ENKUR: variants seen among roughly 807,000 people sequenced by gnomAD.
ENKUR encodes enkurin, TRPC channel interacting protein.
A neutral mutation model predicts 27.6 loss-of-function variants in ENKUR; 19 were observed. The observed-to-expected ratio is 0.69, with a 90% CI of 0.48 to 1.01. The LOEUF (loss-of-function observed/expected upper bound fraction) is 1.01. Ranked by LOEUF, ENKUR falls within the 50% of genes least tolerant of loss-of-function variation. The pLI is 0.00. For missense variants in ENKUR, 312 were observed against 310.5 expected (o/e 1.00, Z -0.04); for synonymous variants, 117 against 96.9 (o/e 1.21, Z -1.22).
intron 2 of ENKUR, among the ~76,000 whole-genome samples, chr10:25,050,088 G>T (rs1185025373): frequency 2.6e-5 from 4 of 152,042 alleles, no homozygotes; most frequent in Non-Finnish European, 5.9e-5. Flanking sequence ...GATGTCCCAG[G>T]CTTTTAGACA....
upstream of ENKUR, chr10:25,016,844 C>T (rs1376790801): frequency 1.3e-5 from 2 of 152,630 alleles, no homozygotes; most frequent in Non-Finnish European, 2.9e-5. Context: ...GCTCCCATCG[C>T]ATGCCTTTCC....
chr10:25,026,550 A>C (rs1411063250), intron 2 of ENKUR: 2 of 166,756 alleles, frequency 1.2e-5, no homozygotes, highest in Non-Finnish European at 2.9e-5. Flanking sequence ...GAAACTGCAC[A>C]CAACTGATAC....
intron 2 of ENKUR, among the ~76,000 whole-genome samples, chr10:25,060,101 G>A (rs1210731567): frequency 1.3e-5 from 2 of 152,158 alleles, no homozygotes; most frequent in Non-Finnish European, 2.9e-5. Flanking sequence ...AAGGCGGGGT[G>A]CTTAGGAAGC....
intron 2 of ENKUR, chr10:25,025,697 C>T (rs1850837170): frequency 4.3e-6 from 2 of 464,826 alleles, no homozygotes; most frequent in Admixed American, 3.8e-5. Flanking sequence ...CTTTTGCCTT[C>T]TGCTCATGAG....
Position 24,999,604 on chromosome 10 carries a change from TTTAC to T in ENKUR, c.78-62_78-59del, listed in dbSNP as rs1817641299. On this transcript the variant is annotated intron_variant, in intron 1 of 5. Coordinates refer to ENST00000331161, the MANE Select transcript of ENKUR (RefSeq NM_145010.4). ...TACTTCTAGTAAAAATTACCTAAAG[TTTAC>T]TTAAAGTTTAAATCTTACATTTTTA... 3.5e-6 allele frequency: 5 copies of T among 1,420,996 alleles called. No individual in the cohort carries two copies. In the East Asian group the frequency reaches 9.2e-5, roughly 26 times the overall value. The allele number at this position is 1,420,996 out of a possible 1,614,324, so 88.0% of individuals were successfully genotyped here. A position where few individuals can be genotyped will look rare whatever the true frequency, so the allele number is the denominator to read the frequency against.
At chr10:24,988,632 C>T (rs1849845623) in intron 4 of ENKUR, among the ~76,000 whole-genome samples, 1 of 90,890 alleles carries the variant, frequency 1.1e-5, no homozygotes. Flanking sequence ...AGATCTTTAG[C>T]TGGCCTGAAA....
intron 2 of ENKUR, among the ~76,000 whole-genome samples, chr10:25,039,711 A>C (rs904900652): frequency 9.9e-5 from 15 of 152,180 alleles, no homozygotes; most frequent in Non-Finnish European, 1.8e-4. Flanking sequence ...CTGCATGACT[A>C]TCACAAAACA....
intron 1 of ENKUR, among the ~76,000 whole-genome samples, chr10:25,003,405 C>T (rs1850239551): frequency 6.6e-6 from 1 of 152,132 alleles, no homozygotes; most frequent in Non-Finnish European, 1.5e-5. Flanking sequence ...CAGGGTTTTA[C>T]CACGTTGGCC....
At chr10:25,016,451 C>A (rs1014606605), upstream of ENKUR, among the ~76,000 whole-genome samples, 19 of 152,228 alleles carry the variant, frequency 1.2e-4, no homozygotes, top group Admixed American at 1.0e-3. Context: ...AGGCCCCAAT[C>A]GCGGTGTGGG....
chr10:25,024,502 A>G, intron 2 of ENKUR: 2 of 1,614,224 alleles, frequency 1.2e-6, no homozygotes, highest in Non-Finnish European at 1.7e-6. Flanking sequence ...TCAGAGAGAA[A>G]ATGGATGGGC....
chr10:25,035,782 A>T (rs1758964812), intron 2 of ENKUR, among the ~76,000 whole-genome samples: 1 of 152,222 alleles, frequency 6.6e-6, no homozygotes, highest in South Asian at 2.1e-4. Context: ...TATCTGCCTC[A>T]CAATAAAGAA....
intron 3 of ENKUR, among the ~76,000 whole-genome samples, chr10:24,993,981 C>T (rs558658239): frequency 2.6e-5 from 4 of 152,208 alleles, no homozygotes; most frequent in South Asian, 2.1e-4. Context: ...TGTGGGACAA[C>T]GACTATAAAA....
At chr10:24,991,386 C>T (rs1817059142) in intron 3 of ENKUR, among the ~76,000 whole-genome samples, 1 of 151,930 alleles carries the variant, frequency 6.6e-6, no homozygotes, top group African/African-American at 2.4e-5. Context: ...CTTATGCCTC[C>T]ATCCTGTGCC....
Position 24,984,357 on chromosome 10 carries a change from T to C in ENKUR, c.*13A>G, listed in dbSNP as rs1424647017. On this transcript the variant is annotated 3_prime_UTR_variant, in exon 6 of 6. Coordinates refer to ENST00000331161, the MANE Select transcript of ENKUR (RefSeq NM_145010.4). The stretch of plus-strand genomic sequence containing the variant: ...CAAAATACTTAACAGTTTTCAAAGT[T>C]GTGCTGTTGGTATCATGCGCTGCAG... The C allele has an allele frequency of 9.4e-6, 15 of 1,593,908 alleles. No homozygotes were observed. Among genetic ancestry groups the C allele is most frequent in the Non-Finnish European group, 1.1e-5 (13 of 1,172,798 alleles).
intron 2 of ENKUR, among the ~76,000 whole-genome samples, chr10:25,047,566 C>G (rs1215643422): frequency 6.6e-6 from 1 of 152,170 alleles, no homozygotes; most frequent in Non-Finnish European, 1.5e-5. Context: ...TCTGCCTTAA[C>G]AAAGCAGTAT....
intron 1 of ENKUR, among the ~76,000 whole-genome samples, chr10:25,012,981 T>C (rs987684532): frequency 2.0e-5 from 3 of 152,146 alleles, no homozygotes; most frequent in African/African-American, 7.2e-5. Flanking sequence ...TGATAGGTAA[T>C]TGAATCATGG....
intron 2 of ENKUR, among the ~76,000 whole-genome samples, chr10:25,054,481 C>CTT (rs1399904474): frequency 8.9e-6 from 1 of 112,560 alleles, no homozygotes. Flanking sequence ...TTCTTTCTTT[C>CTT]TTTCTTTCTT....
intron 1 of ENKUR, among the ~76,000 whole-genome samples, chr10:25,011,142 T>G (rs1347770186): frequency 6.6e-6 from 1 of 152,062 alleles, no homozygotes; most frequent in Non-Finnish European, 1.5e-5. Context: ...CCATTCTAAC[T>G]GGTGTGAGAT....
At chr10:25,032,512 A>C (rs1850948250) in intron 2 of ENKUR, among the ~76,000 whole-genome samples, 1 of 152,164 alleles carries the variant, frequency 6.6e-6, no homozygotes, top group Non-Finnish European at 1.5e-5. Context: ...ACAGTTTCCA[A>C]GGCTGTAACT....
Sources: gnomAD v4.1 joint callset for allele counts (sites outside exome capture counted in the v4.1 genomes callset) on GRCh38, gnomAD v4.1.1 for gene constraint, MANE v1.5 for transcripts, NCBI Gene and HGNC (gene_info 2026-07-23, HGNC 2026-07-21) for gene names.